The following CNTN5 variants were observed in gnomAD, a reference collection of about 807,000 sequenced individuals.
The protein encoded by CNTN5 is contactin-5.
In CNTN5, 77 loss-of-function variants were observed where a neutral mutation model predicts 129.1. The observed-to-expected ratio is 0.60, with a 90% CI of 0.50 to 0.72. CNTN5 has a LOEUF of 0.72. Among genes scored for constraint, CNTN5 ranks in the 30% least tolerant of loss-of-function variants. CNTN5 has a pLI of 0.00. For synonymous variants in CNTN5, 509 were observed against 465.6 expected, an observed-to-expected ratio of 1.09 and a Z score of -1.20; for missense variants, 1,478 against 1,328.8, an observed-to-expected ratio of 1.11 and a Z score of -1.75.
At chr11:99,377,947 A>G (rs1344997451) in intron 2 of CNTN5, among the ~76,000 whole-genome samples, 2 of 152,116 alleles carry the variant, frequency 1.3e-5, no homozygotes, top group African/African-American at 4.8e-5. Context: ...GAAAATATCT[A>G]TGAGAAAGGA....
chr11:99,951,268 T>TA (rs35112318), intron 7 of CNTN5, among the ~76,000 whole-genome samples: 61,465 of 144,202 alleles, frequency 0.43, 14,296 homozygotes, highest in Non-Finnish European at 0.54. Context: ...AAGAACTAGG[T>TA]AAAAAAAAAA....
At chr11:100,204,296 T>A (rs201507686) in intron 15 of CNTN5, among the ~76,000 whole-genome samples, 1,503 of 15,254 alleles carry the variant, frequency 0.099, 143 homozygotes, top group South Asian at 0.28. Context: ...AAACATTGAC[T>A]AATATATATA....
chr11:100,076,609 A>C (rs534137713), intron 13 of CNTN5, among the ~76,000 whole-genome samples: 1 of 152,048 alleles, frequency 6.6e-6, no homozygotes, highest in Non-Finnish European at 1.5e-5. Context: ...CAGATCACTC[A>C]ATTTTTTCTA....
chr11:99,139,124 C>A (rs1565348627), intron 1 of CNTN5, among the ~76,000 whole-genome samples: 1 of 126,672 alleles, frequency 7.9e-6, no homozygotes, highest in Non-Finnish European at 1.6e-5. Context: ...AAAAATTAGC[C>A]AGGCATAGTG....
chr11:99,967,906 AT>A (rs1565734138), intron 8 of CNTN5, among the ~76,000 whole-genome samples: 1 of 152,106 alleles, frequency 6.6e-6, no homozygotes, highest in East Asian at 1.9e-4. Flanking sequence ...ATCTACACTT[AT>A]GTTTTCTGCA....
chr11:99,864,058 C>A (rs1948288691), intron 6 of CNTN5, among the ~76,000 whole-genome samples: 1 of 152,116 alleles, frequency 6.6e-6, no homozygotes, highest in African/African-American at 2.4e-5. Context: ...CCGGACTTCG[C>A]TCACGGATGT....
chr11:99,193,064 GTATT>G (rs1277786408), intron 1 of CNTN5, among the ~76,000 whole-genome samples: 1 of 152,034 alleles, frequency 6.6e-6, no homozygotes, highest in Non-Finnish European at 1.5e-5. Flanking sequence ...TCTCTTAAAT[GTATT>G]TATTAGTACA....
At chr11:99,099,442 T>G (rs1866618717) in intron 1 of CNTN5, among the ~76,000 whole-genome samples, 1 of 152,034 alleles carries the variant, frequency 6.6e-6, no homozygotes, top group Non-Finnish European at 1.5e-5. Flanking sequence ...GAACTTACCG[T>G]TATGAACAAA....
At chr11:99,328,189 A>G (rs1865860809) in intron 2 of CNTN5, among the ~76,000 whole-genome samples, 1 of 152,222 alleles carries the variant, frequency 6.6e-6, no homozygotes, top group Admixed American at 6.6e-5. Context: ...TATTGTGTAA[A>G]TTAACAGTGC....
chr11:99,347,487 A>G (rs1043408664), intron 2 of CNTN5, among the ~76,000 whole-genome samples: 1 of 152,040 alleles, frequency 6.6e-6, no homozygotes. Context: ...TAATAGCTAT[A>G]TTAAAATTTC....
intron 1 of CNTN5, among the ~76,000 whole-genome samples, chr11:99,144,534 C>T (rs1266552725): frequency 6.6e-6 from 1 of 152,132 alleles, no homozygotes; most frequent in East Asian, 1.9e-4. Flanking sequence ...CCTTTGCCGT[C>T]TCCTCTCCTC....
Position 100,279,944 on chromosome 11 carries a change from T to C in CNTN5, c.2314+8703T>C, listed in dbSNP as rs531753444. Among the ~76,000 whole-genome samples, 60 of 149,142 alleles carry C rather than the reference T, an allele frequency of 4.0e-4. 1 individual carries two copies. The East Asian group carries it at 7.6e-3, about 19-fold the overall frequency. ...TTTTTTTTAATGATTTAGGCACTTA[T>C]AGCTATGAAGTTTCCTCTTAGGATT... On this transcript the variant is annotated intron_variant, in intron 18 of 24. Transcript: ENST00000524871.
At chr11:100,110,762 T>C (rs919092693) in intron 13 of CNTN5, among the ~76,000 whole-genome samples, 8 of 152,238 alleles carry the variant, frequency 5.3e-5, no homozygotes, top group Non-Finnish European at 7.3e-5. Flanking sequence ...GAATCAGAGA[T>C]TGATAGAAGC....
At chr11:100,226,700 C>A (rs1367414972) in intron 16 of CNTN5, among the ~76,000 whole-genome samples, 2 of 152,056 alleles carry the variant, frequency 1.3e-5, no homozygotes, top group Non-Finnish European at 2.9e-5. Context: ...AATATCTTGT[C>A]ATTTCTTCCT....
chr11:99,343,575 T>A (rs1565506657), intron 2 of CNTN5, among the ~76,000 whole-genome samples: 1 of 152,334 alleles, frequency 6.6e-6, no homozygotes, highest in East Asian at 1.9e-4. Flanking sequence ...TAAGATAATC[T>A]GAAAAATTTA....
chr11:99,513,433 G>C (rs894593628), intron 2 of CNTN5, among the ~76,000 whole-genome samples: 1 of 152,116 alleles, frequency 6.6e-6, no homozygotes, highest in African/African-American at 2.4e-5. Flanking sequence ...TGTAGACAAA[G>C]AGCCTTCTGT....
intron 1 of CNTN5, among the ~76,000 whole-genome samples, chr11:99,082,154 C>G (rs1865828279): frequency 6.6e-6 from 1 of 150,942 alleles, no homozygotes; most frequent in Admixed American, 6.6e-5. Context: ...GCCAGTGGTG[C>G]CTAATCATTG....
intron 2 of CNTN5, among the ~76,000 whole-genome samples, chr11:99,547,062 G>A (rs1009629715): frequency 1.4e-5 from 2 of 145,544 alleles, no homozygotes; most frequent in East Asian, 2.0e-4. Context: ...GGAGTGCAAC[G>A]GCACGATCTT....
rs1951253512 is a variant in CNTN5 at position 100,302,748 on chromosome 11, G to T, written c.2620+3352G>T. On this transcript the variant is annotated intron_variant, in intron 20 of 24. Transcript: ENST00000524871. The stretch of plus-strand genomic sequence containing the variant: ...ATTTCCCAATGGAACATGGATAATA[G>T]ATGACATTCATACCCAGAACATGCT... Among the ~76,000 whole-genome samples the T allele has an allele frequency of 1.3e-5, 2 of 151,558 alleles. 1 individual carries two copies. The highest frequency in any genetic ancestry group is 4.8e-5 in the African/African-American group (2 of 41,318).
Sources: gnomAD v4.1 joint callset for allele counts (sites outside exome capture counted in the v4.1 genomes callset) on GRCh38, gnomAD v4.1.1 for gene constraint, MANE v1.5 for transcripts, NCBI Gene and HGNC (gene_info 2026-07-23, HGNC 2026-07-21) for gene names.